Variants in SLX9 observed in about 807,000 individuals in gnomAD.
SLX9 encodes SLX9 ribosome biogenesis factor.
A neutral mutation model predicts 20.8 loss-of-function variants in SLX9; 19 were observed. That is an observed-to-expected ratio of 0.91 (90% CI 0.64 to 1.34). The LOEUF is 1.34. SLX9 is among the 40% of genes most tolerant of loss of function. The pLI, the probability that SLX9 is intolerant of heterozygous loss-of-function variation, is 0.00. For synonymous variants in SLX9, 113 were observed against 137.1 expected (o/e 0.82, Z 1.23); for missense variants, 299 against 322.2 (o/e 0.93, Z 0.55).
At chr21:44,969,022 G>A in intron 4 of SLX9, 1 of 392,130 alleles carries the variant, frequency 2.6e-6, no homozygotes, top group Admixed American at 2.9e-5. Flanking sequence ...CAAAGTGCTG[G>A]GATTACAGGC....
At position 44,967,363 on chromosome 21, in the gene SLX9, C is replaced by G. The variant is rs140621159; in HGVS notation, c.500+182C>G. Among the ~76,000 whole-genome samples the G allele has an allele frequency of 9.8e-3, 1,491 of 152,302 alleles. 35 individuals carry two copies. The highest frequency in any genetic ancestry group is 0.034 in the African/African-American group (1,395 of 41,566). On this transcript the variant is annotated intron_variant, in intron 4 of 5. Transcript: ENST00000291634. Reference sequence around the variant, plus strand: ...TCTCAGGGCGTGAGCTCGTGAGGCCCGTGGGGGCTGTGGGGGACGTTTCGG... The same window carrying G: ...TCTCAGGGCGTGAGCTCGTGAGGCCGGTGGGGGCTGTGGGGGACGTTTCGG...
intron 2 of SLX9, among the ~76,000 whole-genome samples, chr21:44,956,638 C>T (rs188840569): frequency 1.8e-4 from 27 of 152,328 alleles, no homozygotes; most frequent in African/African-American, 6.5e-4. Context: ...GAGCCTCATG[C>T]AGATCTTTGT....
chr21:44,946,985 G>A (rs995851725), intron 2 of SLX9, among the ~76,000 whole-genome samples: 1 of 152,338 alleles, frequency 6.6e-6, no homozygotes, highest in East Asian at 1.9e-4. Flanking sequence ...GGAGGGGCTT[G>A]CCCTGGTCTG....
chr21:44,976,416 A>G (rs9982213), intron 5 of SLX9, among the ~76,000 whole-genome samples: 2,146 of 152,262 alleles, frequency 0.014, 49 homozygotes, highest in African/African-American at 0.048. Context: ...CGGCAGCCCC[A>G]TCAGCCCCAG....
At position 44,968,880 on chromosome 21, in the gene SLX9, A is replaced by G. The variant is rs567318822; in HGVS notation, c.500+1699A>G. Reference sequence around the variant, plus strand: ...ACCATTCTCCTGCCTCAGCCTCCCAAGTAGGTGGGACTACAGGCGCCCGCC... The same window carrying G: ...ACCATTCTCCTGCCTCAGCCTCCCAGGTAGGTGGGACTACAGGCGCCCGCC... On this transcript the variant is annotated intron_variant, in intron 4 of 5. Coordinates refer to ENST00000291634, the MANE Select transcript of SLX9 (RefSeq NM_058190.4). Among the ~76,000 whole-genome samples, 4 of 151,708 alleles carry G rather than the reference A, an allele frequency of 2.6e-5. No individual in the cohort carries two copies. In the South Asian group the frequency reaches 8.3e-4, roughly 32 times the overall value.
At position 44,943,772 on chromosome 21, in the gene SLX9, G is replaced by T; in HGVS notation, c.218G>T (p.Ser73Ile). 1.2e-6 allele frequency: 2 copies of T among 1,614,218 alleles called. No individual in the cohort carries two copies. Among genetic ancestry groups the T allele is most frequent in the Non-Finnish European group, 1.7e-6 (2 of 1,180,042 alleles). The change falls in exon 2 of 6, where the codon AGT (serine) becomes ATT (isoleucine). Residue 73 changes from serine (S) to isoleucine (I), a missense_variant. Ser to Ile is a moderately radical substitution (Grantham distance 142). Coordinates refer to ENST00000291634, the MANE Select transcript of SLX9 (RefSeq NM_058190.4). ...LVQKLELDVR[S>I]VTSVRRGEAG... is the part of the protein sequence containing the mutation. ...CAGAAGCTGGAGCTGGACGTGAGGA[G>T]TGTCACTTCCGTCAGGAGAGGTGAG...
intron 1 of SLX9, among the ~76,000 whole-genome samples, chr21:44,941,887 G>A (rs1236394380): frequency 6.6e-6 from 1 of 152,174 alleles, no homozygotes; most frequent in Non-Finnish European, 1.5e-5. Context: ...CCTCACACGA[G>A]CTGCAGACAA....
chr21:44,940,057 G>A lies in SLX9; in HGVS notation c.-1G>A, dbSNP rs1011834614. 2.7e-6 allele frequency: 4 copies of A among 1,458,096 alleles called. No homozygotes were observed. The highest frequency in any genetic ancestry group is 3.0e-5 in the African/African-American group (2 of 67,732). 90.3% of individuals were successfully genotyped at this position (1,458,096 alleles called of 1,614,324 possible). ...CACGTTTGCCGTGCTCCGCCGGGAAGATGGGGAAAGTGAGGGGGTTGCGCG... is the reference window on the plus strand; with the variant it reads ...CACGTTTGCCGTGCTCCGCCGGGAAAATGGGGAAAGTGAGGGGGTTGCGCG... On this transcript the variant is annotated 5_prime_UTR_variant, in exon 1 of 6. Transcript: ENST00000291634.
chr21:44,945,914 T>A (rs2084633716), intron 2 of SLX9, among the ~76,000 whole-genome samples: 2 of 151,482 alleles, frequency 1.3e-5, no homozygotes. Context: ...TTTGTATTTT[T>A]AGTAGAGATG....
At chr21:44,954,683 T>C (rs7277529) in intron 2 of SLX9, among the ~76,000 whole-genome samples, 11,947 of 152,162 alleles carry the variant, frequency 0.079, 1,520 homozygotes, top group African/African-American at 0.27. Flanking sequence ...CCCTGGGTAG[T>C]GCCACCCCCC....
At chr21:44,963,015 C>T (rs145517929) in intron 3 of SLX9, among the ~76,000 whole-genome samples, 2 of 151,954 alleles carry the variant, frequency 1.3e-5, no homozygotes, top group East Asian at 1.9e-4. Context: ...GTTCTTTGTC[C>T]TAGAGTCCAG....
At chr21:44,945,622 C>T (rs1317922959) in intron 2 of SLX9, among the ~76,000 whole-genome samples, 1 of 152,228 alleles carries the variant, frequency 6.6e-6, no homozygotes, top group Non-Finnish European at 1.5e-5. Flanking sequence ...CATCTGGCCT[C>T]GCAGCGTTCT....
At chr21:44,946,812 G>T (rs1383001250) in intron 2 of SLX9, among the ~76,000 whole-genome samples, 1 of 152,244 alleles carries the variant, frequency 6.6e-6, no homozygotes, top group Admixed American at 6.5e-5. Flanking sequence ...AGAGCCCCGG[G>T]CTGGATGAAG....
chr21:44,966,992 T>G, intron 3 of SLX9, 42 bp from the exon 4 acceptor site: 1 of 1,574,208 alleles, frequency 6.4e-7, no homozygotes, highest in Non-Finnish European at 8.6e-7. Context: ...GGGCTCCTCC[T>G]CTGCCTCTTG....
At chr21:44,962,275 A>G (rs1232732194) in intron 3 of SLX9, among the ~76,000 whole-genome samples, 1 of 152,162 alleles carries the variant, frequency 6.6e-6, no homozygotes, top group Non-Finnish European at 1.5e-5. Context: ...TGTTCAGGTT[A>G]TGGACCATCA....
At position 44,958,679 on chromosome 21, in the gene SLX9, G is replaced by A. The variant is rs1432606598; in HGVS notation, c.284-1421G>A. Among the ~76,000 whole-genome samples, 7 of 152,356 alleles carry A rather than the reference G, an allele frequency of 4.6e-5. No individual in the cohort carries two copies. In the South Asian group the frequency reaches 8.3e-4, roughly 18 times the overall value. The stretch of plus-strand genomic sequence containing the variant: ...ACTTCAGCAAGGGCGCCTTGGGCCC[G>A]GAAAGCGGCGGGAGCTGGGGGTCGT... On this transcript the variant is annotated intron_variant, in intron 2 of 5. Coordinates refer to ENST00000291634, the MANE Select transcript of SLX9 (RefSeq NM_058190.4).
At chr21:44,951,891 A>G (rs866616947) in intron 2 of SLX9, among the ~76,000 whole-genome samples, 1 of 131,692 alleles carries the variant, frequency 7.6e-6, no homozygotes, top group South Asian at 2.1e-4. Context: ...GTTTATCCTC[A>G]TAGAACTTTG....
intron 2 of SLX9, among the ~76,000 whole-genome samples, chr21:44,946,814 T>C (rs2084651422): frequency 6.6e-6 from 1 of 152,188 alleles, no homozygotes; most frequent in Non-Finnish European, 1.5e-5. Context: ...AGCCCCGGGC[T>C]GGATGAAGGG....
intron 2 of SLX9, among the ~76,000 whole-genome samples, chr21:44,950,484 C>T (rs2084735822): frequency 6.6e-6 from 1 of 152,344 alleles, no homozygotes; most frequent in South Asian, 2.1e-4. Flanking sequence ...GGGAGTGGTG[C>T]GCCTTCTTAC....
Sources: gnomAD v4.1 joint callset for allele counts (sites outside exome capture counted in the v4.1 genomes callset) on GRCh38, gnomAD v4.1.1 for gene constraint, MANE v1.5 for transcripts, NCBI Gene and HGNC (gene_info 2026-07-23, HGNC 2026-07-21) for gene names.